RALGPS1: variants seen among roughly 807,000 people sequenced by gnomAD.
The protein encoded by RALGPS1 is Ral GEF with PH domain and SH3 binding motif 1, also known as ras-specific guanine nucleotide-releasing factor RalGPS1.
Under a neutral mutation model 78.8 loss-of-function variants are expected in RALGPS1, and 19 were observed. The ratio of observed to expected loss-of-function variants is 0.24; its 90% CI spans 0.17 to 0.35. The LOEUF is 0.35. RALGPS1 is among the 10% of genes least tolerant of loss of function. The probability of loss-of-function intolerance (pLI) is 1.00; values close to 1 mark genes in which losing one functional copy is unlikely to be tolerated. For missense variants in RALGPS1, 454 were observed against 688.3 expected (o/e 0.66, Z 3.81); for synonymous variants, 228 against 256.3 (o/e 0.89, Z 1.06).
At chr9:126,955,960 C>T (rs1319235389) in intron 1 of RALGPS1, among the ~76,000 whole-genome samples, 1 of 152,232 alleles carries the variant, frequency 6.6e-6, no homozygotes, top group Non-Finnish European at 1.5e-5. Context: ...TCGCCGGGCC[C>T]TGGGCTGCTC....
At chr9:127,074,347 G>A (rs1328027560) in intron 8 of RALGPS1, among the ~76,000 whole-genome samples, 1 of 152,012 alleles carries the variant, frequency 6.6e-6, no homozygotes, top group Non-Finnish European at 1.5e-5. Context: ...TTTTTTTCAT[G>A]CTTTTGCATC....
intron 8 of RALGPS1, among the ~76,000 whole-genome samples, chr9:127,102,747 G>A (rs1210584975): frequency 6.6e-6 from 1 of 152,168 alleles, no homozygotes; most frequent in Non-Finnish European, 1.5e-5. Flanking sequence ...CATCATCCAG[G>A]TGGGCCATCT....
intron 8 of RALGPS1, among the ~76,000 whole-genome samples, chr9:127,071,440 A>G (rs578017399): frequency 6.6e-6 from 1 of 152,322 alleles, no homozygotes; most frequent in South Asian, 2.1e-4. Flanking sequence ...GATACATAAA[A>G]AAAGACACAC....
At chr9:126,925,597 A>G (rs1370568739) in intron 1 of RALGPS1, among the ~76,000 whole-genome samples, 1 of 152,070 alleles carries the variant, frequency 6.6e-6, no homozygotes, top group Non-Finnish European at 1.5e-5. Context: ...GTGCACCTAT[A>G]GTCCCAGATA....
intron 14 of RALGPS1, among the ~76,000 whole-genome samples, chr9:127,206,425 T>C (rs1293917426): frequency 2.0e-5 from 3 of 152,136 alleles, no homozygotes; most frequent in Non-Finnish European, 4.4e-5. Flanking sequence ...CATGTTCTTC[T>C]TCATATGGTG....
At chr9:127,011,470 G>A (rs1480233260) in intron 4 of RALGPS1, among the ~76,000 whole-genome samples, 1 of 152,194 alleles carries the variant, frequency 6.6e-6, no homozygotes, top group Non-Finnish European at 1.5e-5. Flanking sequence ...GAGCCACTGT[G>A]CCTGGCCAAG....
chr9:127,127,097 A>C (rs2056670853), intron 8 of RALGPS1, among the ~76,000 whole-genome samples: 1 of 152,184 alleles, frequency 6.6e-6, no homozygotes, highest in Non-Finnish European at 1.5e-5. Context: ...GAATTGGTGT[A>C]GTAATTTTGG....
intron 8 of RALGPS1, among the ~76,000 whole-genome samples, chr9:127,164,534 C>CTTTT (rs1160251459): frequency 4.9e-4 from 31 of 62,796 alleles, no homozygotes; most frequent in South Asian, 2.5e-3. Context: ...CATGCCTGGC[C>CTTTT]TTTTTTTTTT....
intron 8 of RALGPS1, among the ~76,000 whole-genome samples, chr9:127,161,628 C>A (rs982637294): frequency 6.6e-6 from 1 of 152,130 alleles, no homozygotes; most frequent in African/African-American, 2.4e-5. Flanking sequence ...TGGTAGATGG[C>A]ACAGGGGAGG....
At chr9:127,217,250 T>G in intron 18 of RALGPS1, 1 of 1,199,994 alleles carries the variant, frequency 8.3e-7, no homozygotes, top group South Asian at 4.0e-5. Context: ...GGATTTTTCT[T>G]CCTACTTTCC....
chr9:126,945,096 G>T (rs2037134516), intron 1 of RALGPS1, among the ~76,000 whole-genome samples: 2 of 152,162 alleles, frequency 1.3e-5, no homozygotes, highest in Non-Finnish European at 2.9e-5. Context: ...CCTCCTCCAG[G>T]TGAGGTATGA....
intron 8 of RALGPS1, among the ~76,000 whole-genome samples, chr9:127,163,521 T>C (rs987625864): frequency 1.3e-5 from 2 of 152,244 alleles, no homozygotes; most frequent in African/African-American, 4.8e-5. Flanking sequence ...TTAGCATATG[T>C]TTCTGTGATT....
At chr9:127,019,059 G>C (rs1230635478) in intron 4 of RALGPS1, among the ~76,000 whole-genome samples, 1 of 152,074 alleles carries the variant, frequency 6.6e-6, no homozygotes, top group Non-Finnish European at 1.5e-5. Flanking sequence ...TAAAATGTGT[G>C]GATTACATTA....
intron 4 of RALGPS1, among the ~76,000 whole-genome samples, chr9:127,029,134 AGAC>A (rs2046206011): frequency 1.3e-5 from 2 of 152,170 alleles, no homozygotes; most frequent in South Asian, 4.1e-4. Flanking sequence ...AGAAGAATGT[AGAC>A]TTCCTTGTGG....
chr9:126,921,175 T>C (rs2034713161), intron 1 of RALGPS1, among the ~76,000 whole-genome samples: 1 of 152,162 alleles, frequency 6.6e-6, no homozygotes, highest in Admixed American at 6.5e-5. Context: ...CTAGTGATAG[T>C]GTCGTGGTCA....
At chr9:126,941,431 A>G (rs1305159672) in intron 1 of RALGPS1, among the ~76,000 whole-genome samples, 3 of 152,132 alleles carry the variant, frequency 2.0e-5, no homozygotes, top group Non-Finnish European at 4.4e-5. Flanking sequence ...CCCCATAAAT[A>G]TATGCACCTG....
intron 14 of RALGPS1, chr9:127,210,657 C>T (rs572547830): frequency 6.8e-7 from 1 of 1,481,352 alleles, no homozygotes; most frequent in Non-Finnish European, 9.2e-7. Flanking sequence ...TCTGGTCTTT[C>T]AAAGCTGTTG....
chr9:127,005,259 CAAG>C (rs765892161), intron 4 of RALGPS1, among the ~76,000 whole-genome samples: 1 of 152,218 alleles, frequency 6.6e-6, no homozygotes, highest in Non-Finnish European at 1.5e-5. Context: ...TGTCAGCATC[CAAG>C]AAGAATTGTT....
intron 11 of RALGPS1, among the ~76,000 whole-genome samples, chr9:127,192,987 G>T (rs899376339): frequency 7.9e-5 from 12 of 152,218 alleles, no homozygotes; most frequent in Non-Finnish European, 1.5e-4. Flanking sequence ...GTGTCATTAG[G>T]TACAGAAGTC....
Sources: gnomAD v4.1 joint callset for allele counts (sites outside exome capture counted in the v4.1 genomes callset) on GRCh38, gnomAD v4.1.1 for gene constraint, MANE v1.5 for transcripts, NCBI Gene and HGNC (gene_info 2026-07-23, HGNC 2026-07-21) for gene names.